DYNLL1: variants seen among roughly 807,000 people sequenced by gnomAD.
DYNLL1 encodes dynein light chain LC8-type 1, also known as dynein light chain 1, cytoplasmic.
Under a neutral mutation model 10.1 loss-of-function variants are expected in DYNLL1, and 3 were observed. The ratio of observed to expected loss-of-function variants is 0.30; its 90% CI spans 0.14 to 0.77. The LOEUF (loss-of-function observed/expected upper bound fraction) is 0.77, where lower values mean the gene tolerates loss of function less well. Ranked by LOEUF, DYNLL1 falls within the 30% of genes least tolerant of loss-of-function variation. The pLI is 0.66. For missense variants in DYNLL1, 47 were observed against 111.7 expected, an observed-to-expected ratio of 0.42 and a Z score of 2.61; for synonymous variants, 46 against 41.2, an observed-to-expected ratio of 1.12 and a Z score of -0.45.
chr12:120,489,793 A>G (rs1286877259), intron 1 of DYNLL1, among the ~76,000 whole-genome samples: 1 of 152,072 alleles, frequency 6.6e-6, no homozygotes, highest in Non-Finnish European at 1.5e-5. Context: ...TGTCACCCAG[A>G]CTGGAGTGCA....
At chr12:120,487,446 A>G (rs1410850039) in intron 1 of DYNLL1, among the ~76,000 whole-genome samples, 11 of 145,986 alleles carry the variant, frequency 7.5e-5, no homozygotes, top group African/African-American at 1.0e-4. Flanking sequence ...ACAGGCGCCC[A>G]CCACCACACC....
At chr12:120,477,804 T>TA (rs1878789239) in intron 1 of DYNLL1, among the ~76,000 whole-genome samples, 1 of 150,322 alleles carries the variant, frequency 6.7e-6, no homozygotes, top group Admixed American at 6.7e-5. Flanking sequence ...ATATATATAT[T>TA]TTTTTTTCTG....
chr12:120,487,268 C>T (rs1356078226), intron 1 of DYNLL1, among the ~76,000 whole-genome samples: 1 of 135,872 alleles, frequency 7.4e-6, no homozygotes, highest in African/African-American at 2.9e-5. Context: ...CCACCGTGCC[C>T]GGCCTTTTTT....
intron 1 of DYNLL1, among the ~76,000 whole-genome samples, chr12:120,482,005 C>T (rs931410600): frequency 6.6e-6 from 1 of 152,180 alleles, no homozygotes; most frequent in African/African-American, 2.4e-5. Flanking sequence ...TAAGCCACCA[C>T]GCTTGGCCTT....
At chr12:120,496,850 GC>G (rs1868435536) in intron 2 of DYNLL1, 1 of 576,342 alleles carries the variant, frequency 1.7e-6, no homozygotes, top group African/African-American at 1.9e-5. Flanking sequence ...TGGTTCCTGC[GC>G]CGAGGATCCA....
At chr12:120,495,029 G>A (rs574327139), upstream of DYNLL1, among the ~76,000 whole-genome samples, 7 of 152,250 alleles carry the variant, frequency 4.6e-5, no homozygotes, top group East Asian at 1.2e-3. Flanking sequence ...GCTAACAAGC[G>A]TATGAACTGG....
chr12:120,491,544 G>GA, upstream of DYNLL1: 1 of 152,500 alleles, frequency 6.6e-6, no homozygotes, highest in Non-Finnish European at 1.5e-5. Flanking sequence ...CATGGTTCAA[G>GA]AAAGTACTCA....
At chr12:120,497,998 G>A (rs923696768) in intron 2 of DYNLL1, 75 bp from the exon 3 acceptor site, 1 of 1,466,784 alleles carries the variant, frequency 6.8e-7, no homozygotes, top group Non-Finnish European at 9.2e-7. Context: ...GCCCCTACAG[G>A]CTCTGGCTTA....
intron 1 of DYNLL1, among the ~76,000 whole-genome samples, chr12:120,475,680 A>T (rs2137057388): frequency 6.6e-6 from 1 of 152,270 alleles, no homozygotes; most frequent in Middle Eastern, 3.4e-3. Context: ...TTTAACAATA[A>T]TTAACTTTAA....
chr12:120,495,521 CAA>C (rs1337834558), upstream of DYNLL1: 5 of 152,104 alleles, frequency 3.3e-5, no homozygotes, highest in Non-Finnish European at 7.3e-5. Context: ...GAACCGACTA[CAA>C]ATGGGGCCCA....
At chr12:120,480,696 T>C (rs1282990477) in intron 1 of DYNLL1, among the ~76,000 whole-genome samples, 1 of 152,180 alleles carries the variant, frequency 6.6e-6, no homozygotes. Context: ...AACTTTCCTT[T>C]GAGTTTATAC....
upstream of DYNLL1, among the ~76,000 whole-genome samples, chr12:120,493,032 C>T (rs4767905): frequency 0.26 from 39,496 of 152,044 alleles, 5,976 homozygotes; most frequent in East Asian, 0.5. Flanking sequence ...AAAACCTTTG[C>T]AATCCGGTCG....
chr12:120,488,724 C>T (rs1316188414), intron 1 of DYNLL1: 2 of 152,118 alleles, frequency 1.3e-5, no homozygotes, highest in Non-Finnish European at 2.9e-5. Context: ...CCAGCCTGAC[C>T]AACATGGAGA....
upstream of DYNLL1, chr12:120,496,021 C>A: frequency 3.2e-6 from 1 of 315,492 alleles, no homozygotes; most frequent in South Asian, 3.4e-5. Context: ...TGGGCTGCGT[C>A]AAGCCAATAG....
intron 1 of DYNLL1, among the ~76,000 whole-genome samples, chr12:120,479,345 T>G (rs1195028183): frequency 6.7e-6 from 1 of 148,802 alleles, no homozygotes; most frequent in Non-Finnish European, 1.5e-5. Context: ...TCCCAGCTAC[T>G]CAGGAGGCTG....
chr12:120,494,499 C>G (rs965944050), upstream of DYNLL1, among the ~76,000 whole-genome samples: 6 of 152,022 alleles, frequency 3.9e-5, no homozygotes, highest in Non-Finnish European at 7.4e-5. Flanking sequence ...TGGTCTCAAA[C>G]TCCTTACCTC....
Position 120,497,935 on chromosome 12 carries a change from G to T in DYNLL1, c.133-138G>T, listed in dbSNP as rs1296387347. On this transcript the variant is annotated intron_variant, in intron 2 of 2. Coordinates refer to ENST00000242577, the MANE Select transcript of DYNLL1 (RefSeq NM_003746.3). ...TGTACTATGTAGGCGGCTTGGAGCT[G>T]GGGAACATTCTTTCATTCTAAGAAT... 3.6e-6 allele frequency: 3 copies of T among 840,548 alleles called. No individual in the cohort carries two copies. In the East Asian group the frequency reaches 8.1e-5, roughly 23 times the overall value. 52.1% of individuals were successfully genotyped at this position (840,548 alleles called of 1,614,324 possible). A position where few individuals can be genotyped will look rare whatever the true frequency, so the allele number is the denominator to read the frequency against.
chr12:120,473,264 G>A (rs565575508), intron 1 of DYNLL1, among the ~76,000 whole-genome samples: 2 of 152,188 alleles, frequency 1.3e-5, no homozygotes, highest in East Asian at 1.9e-4. Flanking sequence ...GGGCATTTCA[G>A]ACAAAAATGA....
intron 1 of DYNLL1, chr12:120,487,988 A>G (rs1288472017): frequency 6.6e-6 from 1 of 152,162 alleles, no homozygotes; most frequent in Non-Finnish European, 1.5e-5. Flanking sequence ...ACATTAGATA[A>G]TATTATGAAG....
Sources: gnomAD v4.1 joint callset for allele counts (sites outside exome capture counted in the v4.1 genomes callset) on GRCh38, gnomAD v4.1.1 for gene constraint, MANE v1.5 for transcripts, NCBI Gene and HGNC (gene_info 2026-07-23, HGNC 2026-07-21) for gene names.